The following CYP2C18 variants were observed in gnomAD, a reference collection of about 807,000 sequenced individuals.
CYP2C18 encodes cytochrome P450 family 2 subfamily C member 18.
In CYP2C18, 38 loss-of-function variants were observed where a neutral mutation model predicts 41.3. The ratio of observed to expected loss-of-function variants is 0.92; its 90% confidence interval spans 0.71 to 1.21. The LOEUF (loss-of-function observed/expected upper bound fraction) is 1.21, where lower values mean the gene tolerates loss of function less well. Among genes scored for constraint, CYP2C18 ranks in the 50% most tolerant of loss-of-function variants. The probability of loss-of-function intolerance (pLI) is 0.00; values close to 1 mark genes in which losing one functional copy is unlikely to be tolerated. For synonymous variants in CYP2C18, 236 were observed against 210.0 expected (o/e 1.12, Z -1.07); for missense variants, 635 against 591.4 (o/e 1.07, Z -0.77).
intron 4 of CYP2C18, among the ~76,000 whole-genome samples, chr10:94,702,193 C>G (rs1847258597): frequency 6.6e-6 from 1 of 152,056 alleles, no homozygotes; most frequent in Non-Finnish European, 1.5e-5. Context: ...AACCTTGGTG[C>G]ATATGATGAT....
chr10:94,728,125 G>T (rs748786037), intron 7 of CYP2C18, among the ~76,000 whole-genome samples: 34 of 151,714 alleles, frequency 2.2e-4, no homozygotes, highest in Non-Finnish European at 4.4e-4. Flanking sequence ...TCTTCATCAC[G>T]AACAGTTTTT....
chr10:94,735,643 A>C lies in CYP2C18; in HGVS notation c.*199A>C, dbSNP rs901970983. 1.7e-5 allele frequency: 10 copies of C among 600,498 alleles called. No individual in the cohort carries two copies. Among genetic ancestry groups the C allele is most frequent in the African/African-American group, 1.3e-4 (7 of 53,790 alleles). The allele number at this position is 600,498 out of a possible 1,614,324, so 37.2% of individuals were successfully genotyped here. A position where few individuals can be genotyped will look rare whatever the true frequency, so the allele number is the denominator to read the frequency against. On this transcript the variant is annotated 3_prime_UTR_variant, in exon 9 of 9. Coordinates refer to ENST00000285979, the MANE Select transcript of CYP2C18 (RefSeq NM_000772.3). ...GGGTCACTTCCTAAATATATCTGCTATTCTCCATACTCTGTATCACTTGTA... is the reference window on the plus strand; with the variant it reads ...GGGTCACTTCCTAAATATATCTGCTCTTCTCCATACTCTGTATCACTTGTA...
chr10:94,714,804 C>T lies in CYP2C18; in HGVS notation c.820-5592C>T, dbSNP rs1420914660. Among the ~76,000 whole-genome samples the T allele has an allele frequency of 2.0e-5, 3 of 152,168 alleles. No homozygotes were observed. In the East Asian group the frequency reaches 5.8e-4, roughly 29 times the overall value. On this transcript the variant is annotated intron_variant, in intron 5 of 8. Coordinates refer to ENST00000285979, the MANE Select transcript of CYP2C18 (RefSeq NM_000772.3). ...TTTTCACAAAATTGTTTCTTCCTAT[C>T]CGTAAGCATGGAATGTTCTTCCATT...
rs780537096 is a variant in CYP2C18, at chr10:94,733,363, A to G, written c.1216A>G (p.Met406Val). The G allele has an allele frequency of 8.1e-6, 13 of 1,613,422 alleles. No homozygotes were observed. In the South Asian group the frequency reaches 8.8e-5, roughly 11 times the overall value. ...HNDKEFPNPE[M>V]FDPGHFLDKS... ...TGACAAAGAATTCCCCAACCCAGAG[A>G]TGTTTGACCCTGGCCACTTTCTGGA... The change falls in exon 8 of 9, where the codon ATG (methionine) becomes GTG (valine). Residue 406 changes from methionine (M) to valine (V), a missense_variant. By Grantham distance (21) the Met-to-Val change is conservative. Coordinates refer to ENST00000285979, the MANE Select transcript of CYP2C18 (RefSeq NM_000772.3).
chr10:94,724,606 CT>C, intron 7 of CYP2C18, 73 bp downstream of exon 7: 1 of 1,345,130 alleles, frequency 7.4e-7, no homozygotes, highest in Non-Finnish European at 1.1e-6. Context: ...TCCCAATCCT[CT>C]AACAACACAT....
Position 94,687,786 on chromosome 10 carries a change from G to C in CYP2C18, c.185G>C (p.Gly62Ala). ...KSLTNFSKVY[G>A]PVFTVYFGLK... Reference sequence around the variant, plus strand: ...TATGTTTAGTTCTCAAAAGTCTATGGCCCTGTGTTCACTGTGTATTTTGGC... The same window carrying C: ...TATGTTTAGTTCTCAAAAGTCTATGCCCCTGTGTTCACTGTGTATTTTGGC... The change falls in exon 2 of 9, where the codon GGC (glycine) becomes GCC (alanine). Residue 62 changes from glycine to alanine, a missense_variant. Gly to Ala is a moderately conservative substitution (Grantham distance 60, BLOSUM62 0). Coordinates refer to ENST00000285979, the MANE Select transcript of CYP2C18 (RefSeq NM_000772.3). The C allele has an allele frequency of 6.2e-7, 1 of 1,613,136 alleles. No homozygotes were observed. Among genetic ancestry groups the C allele is most frequent in the East Asian group, 2.2e-5 (1 of 44,870 alleles).
At chr10:94,699,899 AC>A (rs1466406355) in intron 4 of CYP2C18, among the ~76,000 whole-genome samples, 3 of 152,162 alleles carry the variant, frequency 2.0e-5, no homozygotes, top group African/African-American at 4.8e-5. Flanking sequence ...AGAATAAAAC[AC>A]CTAGGAATCC....
chr10:94,724,649 C>A (rs1847707664), intron 7 of CYP2C18, 116 bp downstream of exon 7: 3 of 1,019,720 alleles, frequency 2.9e-6, no homozygotes, highest in Non-Finnish European at 4.5e-6. Flanking sequence ...ATACGTGGGG[C>A]AGCTTTCTGG....
chr10:94,724,285 T>C, intron 6 of CYP2C18, 61 bp from the exon 7 acceptor site: 1 of 1,539,258 alleles, frequency 6.5e-7, no homozygotes, highest in Non-Finnish European at 9.0e-7. Flanking sequence ...GTAACCTGAA[T>C]TGCTACAACA....
intron 4 of CYP2C18, among the ~76,000 whole-genome samples, chr10:94,706,045 G>A (rs148850373): frequency 2.7e-3 from 414 of 152,250 alleles, no homozygotes; most frequent in Middle Eastern, 6.8e-3. Flanking sequence ...AAGGGGAGGA[G>A]GTTTTGGAGA....
Position 94,687,883 on chromosome 10 carries a change from T to C in CYP2C18, c.282T>C (p.Phe94=), listed in dbSNP as rs1413713933. ...CCCTGATTGATCATGGAGAGGAGTTTTCTGGAAGAGGAAGTTTTCCAGTGG... is the reference window on the plus strand; with the variant it reads ...CCCTGATTGATCATGGAGAGGAGTTCTCTGGAAGAGGAAGTTTTCCAGTGG... ...KEALIDHGEE[F]SGRGSFPVAE... Residue 94 remains phenylalanine (F), a synonymous_variant, in exon 2 of 9, where the codon TTT becomes TTC. Coordinates refer to ENST00000285979, the MANE Select transcript of CYP2C18 (RefSeq NM_000772.3). The C allele has an allele frequency of 6.2e-7, 1 of 1,613,830 alleles. No individual in the cohort carries two copies. Among genetic ancestry groups the C allele is most frequent in the Non-Finnish European group, 8.5e-7 (1 of 1,179,796 alleles).
In CYP2C18 at chr10:94,706,830, A is replaced by G; in HGVS notation, c.689A>G (p.His230Arg). 1 of 1,606,982 alleles carries G rather than the reference A, an allele frequency of 6.2e-7. No individual in the cohort carries two copies. Among genetic ancestry groups the G allele is most frequent in the Admixed American group, 1.7e-5 (1 of 59,514 alleles). Residue 230 changes from histidine (H) to arginine (R), a missense_variant, in exon 5 of 9, where the codon CAT (histidine) becomes CGT (arginine). By Grantham distance (29) the His-to-Arg change is conservative. Coordinates refer to ENST00000285979, the MANE Select transcript of CYP2C18 (RefSeq NM_000772.3). ...PALIDYLPGS[H>R]NKIAENFAYI... Reference sequence around the variant, plus strand: ...CTCATCGATTATCTCCCAGGAAGTCATAATAAAATAGCTGAAAATTTTGCT... The same window carrying G: ...CTCATCGATTATCTCCCAGGAAGTCGTAATAAAATAGCTGAAAATTTTGCT...
At chr10:94,686,895 A>C (rs1846898536) in intron 1 of CYP2C18, among the ~76,000 whole-genome samples, 1 of 152,174 alleles carries the variant, frequency 6.6e-6, no homozygotes. Context: ...TTTGTGATTA[A>C]AGATTTTGAG....
Position 94,706,929 on chromosome 10 carries a change from T to TTA in CYP2C18, c.790_791dup (p.Asp265LeufsTer5). The TTA allele has an allele frequency of 1.2e-6, 2 of 1,609,276 alleles. No individual in the cohort carries two copies. Among genetic ancestry groups the TTA allele is most frequent in the Non-Finnish European group, 1.7e-6 (2 of 1,178,632 alleles). ...CTGGACATGAACAGTGCTCGGGACT[T>TTA]TATTGATTGTTTCCTGATCAAAATG... On this transcript the variant is annotated frameshift_variant, in exon 5 of 9. Transcript: ENST00000285979. LOFTEE classifies it high-confidence loss of function.
intron 5 of CYP2C18, among the ~76,000 whole-genome samples, chr10:94,711,312 T>A (rs1847432109): frequency 6.6e-6 from 1 of 152,332 alleles, no homozygotes; most frequent in Non-Finnish European, 1.5e-5. Context: ...GTCTTGTCAA[T>A]CTGTTCTCTT....
chr10:94,688,923 A>G (rs1054085710), intron 3 of CYP2C18, among the ~76,000 whole-genome samples: 2 of 152,174 alleles, frequency 1.3e-5, no homozygotes, highest in Non-Finnish European at 2.9e-5. Flanking sequence ...GGAACAACTG[A>G]CATGTACTTT....
rs59945994 is a variant in CYP2C18 at position 94,706,736 on chromosome 10, G to A, written c.643-48G>A. On this transcript the variant is annotated intron_variant, in intron 4 of 8. Coordinates refer to ENST00000285979, the MANE Select transcript of CYP2C18 (RefSeq NM_000772.3). The stretch of plus-strand genomic sequence containing the variant: ...AACCAGCAGTTGACTTATGGCATAT[G>A]TCTTCAATACATGTGTTTAATTTAA... The A allele has an allele frequency of 7.1e-5, 76 of 1,072,082 alleles. No individual in the cohort carries two copies. The East Asian group carries it at 1.9e-3, about 27-fold the overall frequency. 66.4% of individuals were successfully genotyped at this position (1,072,082 alleles called of 1,614,324 possible). A position where few individuals can be genotyped will look rare whatever the true frequency, so the allele number is the denominator to read the frequency against.
chr10:94,702,480 A>G (rs1847264435), intron 4 of CYP2C18, among the ~76,000 whole-genome samples: 1 of 151,766 alleles, frequency 6.6e-6, no homozygotes, highest in Non-Finnish European at 1.5e-5. Flanking sequence ...TATTTCATTA[A>G]GTTGATCTTC....
At chr10:94,718,033 A>G (rs999472233) in intron 5 of CYP2C18, among the ~76,000 whole-genome samples, 4 of 151,908 alleles carry the variant, frequency 2.6e-5, no homozygotes, top group South Asian at 2.1e-4. Flanking sequence ...TGAAACCATA[A>G]ATTTCTTTAG....
Sources: allele counts gnomAD v4.1 joint callset (sites outside exome capture counted in the v4.1 genomes callset), GRCh38; gene constraint gnomAD v4.1.1; transcripts MANE v1.5; gene names NCBI Gene and HGNC (gene_info 2026-07-23, HGNC 2026-07-21).